Variants in MCOLN2 observed in about 807,000 individuals in gnomAD.
MCOLN2 encodes mucolipin TRP cation channel 2.
In MCOLN2, 57 loss-of-function variants were observed where a neutral mutation model predicts 67.5. The observed-to-expected ratio is 0.84, with a 90% CI of 0.68 to 1.05. The LOEUF (loss-of-function observed/expected upper bound fraction) is 1.05, where lower values mean the gene tolerates loss of function less well. Among genes scored for constraint, MCOLN2 ranks in the 50% least tolerant of loss-of-function variants. The pLI is 0.00. For synonymous variants in MCOLN2, 246 were observed against 233.3 expected (o/e 1.05, Z -0.50); for missense variants, 620 against 678.8 (o/e 0.91, Z 0.96).
At chr1:84,951,648 A>G (rs1648476761) in intron 6 of MCOLN2, among the ~76,000 whole-genome samples, 1 of 152,280 alleles carries the variant, frequency 6.6e-6, no homozygotes, top group Admixed American at 6.5e-5. Context: ...AACATTTTAA[A>G]AAATGTATTA....
intron 7 of MCOLN2, among the ~76,000 whole-genome samples, chr1:84,945,816 G>A (rs1017538192): frequency 2.0e-5 from 3 of 151,992 alleles, no homozygotes; most frequent in African/African-American, 7.3e-5. Context: ...GCATGATCTC[G>A]GTTCACTGCA....
chr1:84,937,649 T>A, intron 11 of MCOLN2, 106 bp downstream of exon 11: 1 of 1,517,442 alleles, frequency 6.6e-7, no homozygotes, highest in Non-Finnish European at 8.8e-7. Context: ...ATTACTGATG[T>A]CAAGGGTACA....
intron 1 of MCOLN2, among the ~76,000 whole-genome samples, chr1:84,967,264 A>C (rs74761855): frequency 0.14 from 20,576 of 152,222 alleles, 1,684 homozygotes; most frequent in East Asian, 0.26. Flanking sequence ...ATCCATCCCA[A>C]GTCTTTCCAT....
intron 1 of MCOLN2, among the ~76,000 whole-genome samples, chr1:84,983,153 G>A (rs1310007685): frequency 6.6e-6 from 1 of 151,978 alleles, no homozygotes; most frequent in Non-Finnish European, 1.5e-5. Context: ...AGCCTCCCAG[G>A]TCTCCACACC....
At chr1:84,955,783 T>C (rs1648750106) in intron 4 of MCOLN2, among the ~76,000 whole-genome samples, 1 of 152,034 alleles carries the variant, frequency 6.6e-6, no homozygotes, top group African/African-American at 2.4e-5. Flanking sequence ...ATAACTGGGA[T>C]TATTACAGTA....
At chr1:84,985,257 A>T (rs1650449450) in intron 1 of MCOLN2, among the ~76,000 whole-genome samples, 1 of 152,178 alleles carries the variant, frequency 6.6e-6, no homozygotes, top group Admixed American at 6.5e-5. Flanking sequence ...AGATTCTAAT[A>T]AACACTTTTC....
chr1:84,996,992 G>T lies in MCOLN2; in HGVS notation c.-120C>A, dbSNP rs904772325. The T allele has an allele frequency of 1.2e-6, 1 of 868,272 alleles. No homozygotes were observed. The highest frequency in any genetic ancestry group is 2.6e-5 in the East Asian group (1 of 38,396). 53.8% of individuals were successfully genotyped at this position (868,272 alleles called of 1,614,324 possible). A position where few individuals can be genotyped will look rare whatever the true frequency, so the allele number is the denominator to read the frequency against. On this transcript the variant is annotated 5_prime_UTR_variant, in exon 1 of 14. Transcript: ENST00000370608. Reference sequence around the variant, plus strand: ...CCGAAGTTGGAGCCCTGCAAAGCGGGGTTCCCTTCTCTTACCCTTTCTGCC... The same window carrying T: ...CCGAAGTTGGAGCCCTGCAAAGCGGTGTTCCCTTCTCTTACCCTTTCTGCC...
chr1:84,956,694 C>T, intron 3 of MCOLN2, 110 bp from the exon 4 acceptor site: 1 of 912,732 alleles, frequency 1.1e-6, no homozygotes, highest in Non-Finnish European at 1.6e-6. Flanking sequence ...TACATCATGG[C>T]TCTCAATAGA....
At chr1:84,936,961 C>A (rs11161490) in intron 11 of MCOLN2, among the ~76,000 whole-genome samples, 3 of 152,094 alleles carry the variant, frequency 2.0e-5, no homozygotes, top group African/African-American at 7.2e-5. Flanking sequence ...CACCGAAATG[C>A]CCAGCAGAGT....
At chr1:84,929,794 G>C (rs939366568) in intron 12 of MCOLN2, 115 bp from the exon 13 acceptor site, 1 of 986,210 alleles carries the variant, frequency 1.0e-6, no homozygotes, top group Non-Finnish European at 1.5e-6. Flanking sequence ...TGCTAGCTCA[G>C]ATCCAAGAAC....
At chr1:84,946,413 T>C (rs1360332111) in intron 7 of MCOLN2, among the ~76,000 whole-genome samples, 1 of 152,234 alleles carries the variant, frequency 6.6e-6, no homozygotes, top group East Asian at 1.9e-4. Context: ...TTGCTTTATA[T>C]ACTAATTCAT....
In MCOLN2 at chr1:84,947,095, T is replaced by C. The variant is rs769594050; in HGVS notation, c.785A>G (p.Lys262Arg). The change falls in exon 7 of 14, where the codon AAA (lysine) becomes AGA (arginine). Residue 262 changes from lysine (K) to arginine (R), a missense_variant. Coordinates refer to ENST00000370608, the MANE Select transcript of MCOLN2 (RefSeq NM_153259.4). ...TTTGGCATCACTGTCAAAATAGATT[T>C]TGATTTTGCCACTGTGAGCTTTATT... is the stretch of plus-strand genomic sequence containing the variant. ...FDNKAHSGKI[K>R]IYFDSDAKIE... The C allele has an allele frequency of 2.5e-6, 4 of 1,602,874 alleles. No individual in the cohort carries two copies. Among genetic ancestry groups the C allele is most frequent in the Non-Finnish European group, 3.4e-6 (4 of 1,170,188 alleles).
intron 11 of MCOLN2, 24 bp from the exon 12 acceptor site, chr1:84,931,592 T>A (rs200696637): frequency 3.2e-6 from 5 of 1,583,040 alleles, no homozygotes; most frequent in Non-Finnish European, 4.3e-6. Flanking sequence ...TAAAAACTAG[T>A]TTCTGAAATA....
At chr1:84,977,942 CT>C (rs1650075341) in intron 1 of MCOLN2, among the ~76,000 whole-genome samples, 1 of 152,210 alleles carries the variant, frequency 6.6e-6, no homozygotes, top group Non-Finnish European at 1.5e-5. Context: ...AATACACATT[CT>C]TTTCCTCAGC....
intron 1 of MCOLN2, among the ~76,000 whole-genome samples, chr1:84,980,305 G>GA (rs35944956): frequency 0.94 from 143,240 of 152,098 alleles, 68,072 homozygotes; most frequent in Non-Finnish European, 1. Flanking sequence ...CATAGAAATA[G>GA]AAAAAAACCC....
chr1:84,932,692 T>A (rs141681763), intron 11 of MCOLN2, among the ~76,000 whole-genome samples: 2 of 152,358 alleles, frequency 1.3e-5, no homozygotes, highest in Non-Finnish European at 2.9e-5. Context: ...CTGTGTTGAA[T>A]TGATTACTCT....
intron 9 of MCOLN2, 73 bp downstream of exon 9, chr1:84,939,480 T>C: frequency 6.9e-7 from 1 of 1,443,806 alleles, no homozygotes; most frequent in Non-Finnish European, 9.6e-7. Flanking sequence ...CTCCAAAGGA[T>C]GGTACGTCTT....
intron 2 of MCOLN2, among the ~76,000 whole-genome samples, chr1:84,962,607 C>T (rs372636427): frequency 4.3e-4 from 65 of 152,180 alleles, no homozygotes; most frequent in African/African-American, 1.4e-3. Context: ...AAACCATGTG[C>T]TGGATGGTCA....
intron 11 of MCOLN2, 24 bp downstream of exon 11, chr1:84,937,731 G>A (rs748430647): frequency 6.2e-7 from 1 of 1,613,036 alleles, no homozygotes; most frequent in South Asian, 1.1e-5. Context: ...CCCATCTGCA[G>A]AAGGAAGAAT....
Sources: gnomAD v4.1 joint callset for allele counts (sites outside exome capture counted in the v4.1 genomes callset) on GRCh38, gnomAD v4.1.1 for gene constraint, MANE v1.5 for transcripts, NCBI Gene and HGNC (gene_info 2026-07-23, HGNC 2026-07-21) for gene names.